The following STRIP1 variants were observed in gnomAD, a reference collection of about 807,000 sequenced individuals.
STRIP1 encodes striatin-interacting protein 1.
STRIP1 carries 63 observed loss-of-function variants against 106.2 expected under a neutral mutation model. The ratio of observed to expected loss-of-function variants is 0.59; its 90% CI spans 0.48 to 0.73. STRIP1 has a LOEUF of 0.73. STRIP1 is among the 30% of genes least tolerant of loss of function. STRIP1 has a pLI of 0.00. For synonymous variants in STRIP1, 390 were observed against 413.0 expected, an observed-to-expected ratio of 0.94 and a Z score of 0.67; for missense variants, 857 against 1,074.8, an observed-to-expected ratio of 0.80 and a Z score of 2.83.
At chr1:110,043,960 C>A in intron 10 of STRIP1, 104 bp downstream of exon 10, 1 of 1,096,636 alleles carries the variant, frequency 9.1e-7, no homozygotes, top group Non-Finnish European at 1.4e-6. Context: ...CTCTGCAGGG[C>A]AGGCTGACCG....
intron 5 of STRIP1, 102 bp downstream of exon 5, chr1:110,039,617 A>C: frequency 7.3e-7 from 1 of 1,378,702 alleles, no homozygotes; most frequent in Non-Finnish European, 9.9e-7. Flanking sequence ...AATGGGGCAG[A>C]AGTTCTGGTC....
chr1:110,032,396 T>C (rs1271216327), upstream of STRIP1, among the ~76,000 whole-genome samples: 1 of 152,184 alleles, frequency 6.6e-6, no homozygotes, highest in Non-Finnish European at 1.5e-5. Context: ...ACAGGGACTT[T>C]CTGGACTTGA....
At chr1:110,040,810 A>G (rs906197139) in intron 6 of STRIP1, 107 bp downstream of exon 6, 2 of 893,062 alleles carry the variant, frequency 2.2e-6, no homozygotes, top group Admixed American at 2.8e-5. Context: ...GCTTCTGTAC[A>G]CATCATCTGC....
chr1:110,049,575 G>A lies in STRIP1; in HGVS notation c.1889+15G>A. On this transcript the variant is annotated intron_variant, in intron 17 of 20. Coordinates refer to ENST00000369795, the MANE Select transcript of STRIP1 (RefSeq NM_033088.4). Reference sequence around the variant, plus strand: ...GCCAAGAACAGGTGATGAGGGCCAGGGACCATGAAGGGGTGGATATGGTCA... The same window carrying A: ...GCCAAGAACAGGTGATGAGGGCCAGAGACCATGAAGGGGTGGATATGGTCA... 6.4e-7 allele frequency: 1 copy of A among 1,559,764 alleles called. No homozygotes were observed. Among genetic ancestry groups the A allele is most frequent in the Non-Finnish European group, 8.8e-7 (1 of 1,134,812 alleles).
chr1:110,050,085 G>A, intron 17 of STRIP1: 1 of 494,812 alleles, frequency 2.0e-6, no homozygotes, highest in African/African-American at 1.9e-5. Context: ...GATTGCTGTG[G>A]GGGAAGCTGT....
intron 4 of STRIP1, 36 bp from the exon 5 acceptor site, chr1:110,039,359 A>G: frequency 6.2e-7 from 1 of 1,614,008 alleles, no homozygotes; most frequent in Non-Finnish European, 8.5e-7. Flanking sequence ...ACTCAGATGC[A>G]GGGAGGGGCT....
chr1:110,044,964 C>T, intron 11 of STRIP1, 51 bp from the exon 12 acceptor site: 1 of 1,612,856 alleles, frequency 6.2e-7, no homozygotes, highest in South Asian at 1.1e-5. Flanking sequence ...TGTTTGGGAT[C>T]CCAGGTGATT....
intron 10 of STRIP1, among the ~76,000 whole-genome samples, chr1:110,044,062 CAT>C (rs1557791994): frequency 1.3e-5 from 2 of 152,338 alleles, no homozygotes; most frequent in Middle Eastern, 3.4e-3. Flanking sequence ...ACATGGCCCT[CAT>C]GTGGCTACTG....
At chr1:110,045,297 A>G in intron 12 of STRIP1, 2 of 543,798 alleles carry the variant, frequency 3.7e-6, no homozygotes, top group Non-Finnish European at 6.6e-6. Context: ...TTTGGGACTG[A>G]CTGGGAAGTC....
intron 3 of STRIP1, 139 bp from the exon 4 acceptor site, chr1:110,039,033 A>G: frequency 6.2e-6 from 6 of 961,458 alleles, no homozygotes. Context: ...ATAGAGCAGC[A>G]GTATGATCTT....
chr1:110,044,388 T>G (rs1029903224), intron 10 of STRIP1, among the ~76,000 whole-genome samples: 12 of 152,228 alleles, frequency 7.9e-5, no homozygotes, highest in African/African-American at 2.7e-4. Context: ...AGGTAAAGCC[T>G]CAGTTTTCAG....
At position 110,037,906 on chromosome 1, in the gene STRIP1, C is replaced by T. The variant is rs762658503; in HGVS notation, c.196C>T (p.Pro66Ser). ...RKDSEGYSES[P>S]DLEFEYADTD... ...TTGTCAGCAGGGCTATTCGGAGTCACCAGACCTGGAGTTTGAGTATGCTGA... is the reference window on the plus strand; with the variant it reads ...TTGTCAGCAGGGCTATTCGGAGTCATCAGACCTGGAGTTTGAGTATGCTGA... Residue 66 changes from proline (P) to serine (S), a missense_variant, in exon 2 of 21, where the codon CCA becomes TCA. This residue lies in a region of STRIP1 where 750 missense variants were observed against 989.8 expected (regional missense o/e 0.76). Coordinates refer to ENST00000369795, the MANE Select transcript of STRIP1 (RefSeq NM_033088.4). 4 of 1,611,030 alleles carry T rather than the reference C, an allele frequency of 2.5e-6. No homozygotes were observed. The highest frequency in any genetic ancestry group is 1.1e-5 in the South Asian group (1 of 91,008).
chr1:110,042,841 T>A (rs1652827947), intron 8 of STRIP1: 2 of 469,442 alleles, frequency 4.3e-6, no homozygotes, highest in Non-Finnish European at 3.8e-6. Context: ...AGGTGCAGAG[T>A]TAGTGTATCT....
upstream of STRIP1, among the ~76,000 whole-genome samples, chr1:110,034,003 G>C (rs1652308424): frequency 1.3e-5 from 2 of 152,302 alleles, no homozygotes; most frequent in African/African-American, 4.8e-5. Context: ...GGTTGTAGTG[G>C]TCCCTGTAAC....
At chr1:110,050,532 C>T (rs955562439) in intron 18 of STRIP1, 123 bp downstream of exon 18, 10 of 938,058 alleles carry the variant, frequency 1.1e-5, no homozygotes, top group East Asian at 5.2e-5. Flanking sequence ...GTGGAGTGCC[C>T]GGCTTTTAAA....
At chr1:110,038,026 T>C in intron 2 of STRIP1, 66 bp downstream of exon 2, 1 of 893,022 alleles carries the variant, frequency 1.1e-6, no homozygotes, top group Non-Finnish European at 1.8e-6. Flanking sequence ...ATAAAATTAA[T>C]AATGAATATC....
At chr1:110,034,871 C>T in intron 1 of STRIP1, 54 bp downstream of exon 1, 1 of 1,374,568 alleles carries the variant, frequency 7.3e-7, no homozygotes, top group Admixed American at 3.9e-5. Context: ...GCCGGGGGTC[C>T]CGGGCCCGGG....
At chr1:110,042,883 C>T (rs76227585) in intron 8 of STRIP1, 6,302 of 561,890 alleles carry the variant, frequency 0.011, 143 homozygotes, top group African/African-American at 0.051. Context: ...CATCTCCACT[C>T]TTTCCTTGTT....
At chr1:110,050,267 TGG>T (rs1653229593) in intron 17 of STRIP1, 74 bp from the exon 18 acceptor site, 1 of 1,439,682 alleles carries the variant, frequency 6.9e-7, no homozygotes. Context: ...AGCTGGGAGC[TGG>T]CTCAGGCACG....
Sources: gnomAD v4.1 joint callset for allele counts (sites outside exome capture counted in the v4.1 genomes callset) on GRCh38, gnomAD v4.1.1 for gene constraint, gnomAD v4.1.1 regional missense constraint, MANE v1.5 for transcripts, NCBI Gene and HGNC (gene_info 2026-07-23, HGNC 2026-07-21) for gene names.